CLSTN2: variants seen among roughly 807,000 people sequenced by gnomAD.
The protein encoded by CLSTN2 is calsyntenin 2, also known as calsyntenin-2.
CLSTN2 carries 48 observed loss-of-function variants against 101.2 expected under a neutral mutation model. The ratio of observed to expected loss-of-function variants is 0.47; its 90% CI spans 0.38 to 0.60. The LOEUF is 0.60. CLSTN2 is among the 20% of genes least tolerant of loss of function. CLSTN2 has a pLI of 0.00. For synonymous variants in CLSTN2, 481 were observed against 463.6 expected (o/e 1.04, Z -0.48); for missense variants, 1,160 against 1,238.2 (o/e 0.94, Z 0.95).
At chr3:140,248,606 A>G (rs902505036) in intron 2 of CLSTN2, among the ~76,000 whole-genome samples, 1 of 152,166 alleles carries the variant, frequency 6.6e-6, no homozygotes, top group African/African-American at 2.4e-5. Flanking sequence ...AGATACGAAG[A>G]TGGGGCTGAA....
At chr3:140,241,610 C>G (rs531973503) in intron 2 of CLSTN2, among the ~76,000 whole-genome samples, 1 of 152,042 alleles carries the variant, frequency 6.6e-6, no homozygotes, top group African/African-American at 2.4e-5. Flanking sequence ...TTCATTTATT[C>G]ATTCATTTAA....
intron 8 of CLSTN2, chr3:140,507,642 C>T (rs934564529): frequency 6.6e-6 from 1 of 152,130 alleles, no homozygotes; most frequent in Non-Finnish European, 1.5e-5. Flanking sequence ...TTCTGATCTC[C>T]AAAACTAGGT....
chr3:140,091,733 G>C lies in CLSTN2; in HGVS notation c.110-84218G>C, dbSNP rs545755567. On this transcript the variant is annotated intron_variant, in intron 1 of 16. Coordinates refer to ENST00000458420, the MANE Select transcript of CLSTN2 (RefSeq NM_022131.3). ...CACAAAGCCTCAAACAAACACAGAA[G>C]GAACAATATCCCATTAGGGATTTTG... 4.6e-5 allele frequency among the ~76,000 whole-genome samples: 7 copies of C among 152,224 alleles called. No homozygotes were observed. The South Asian group carries it at 1.5e-3, about 32-fold the overall frequency.
intron 2 of CLSTN2, among the ~76,000 whole-genome samples, chr3:140,208,710 C>G (rs1360386470): frequency 3.3e-5 from 5 of 152,084 alleles, no homozygotes; most frequent in Non-Finnish European, 4.4e-5. Flanking sequence ...GGATTCTGTC[C>G]CAATCCTTTT....
intron 2 of CLSTN2, among the ~76,000 whole-genome samples, chr3:140,274,211 G>A (rs1166023674): frequency 6.6e-6 from 1 of 152,102 alleles, no homozygotes; most frequent in African/African-American, 2.4e-5. Context: ...ACTAAGGAAA[G>A]GCCACATGGG....
intron 1 of CLSTN2, among the ~76,000 whole-genome samples, chr3:140,093,067 T>C (rs980479653): frequency 1.3e-5 from 2 of 152,194 alleles, no homozygotes; most frequent in Admixed American, 6.5e-5. Context: ...GGTATTCAAA[T>C]GGGAGCTACA....
chr3:140,373,233 G>C (rs1298868671), intron 2 of CLSTN2, among the ~76,000 whole-genome samples: 2 of 152,182 alleles, frequency 1.3e-5, no homozygotes, highest in African/African-American at 4.8e-5. Context: ...GGCAAATTCT[G>C]TCACAATTCT....
chr3:139,969,791 A>C (rs1935663194), intron 1 of CLSTN2, among the ~76,000 whole-genome samples: 1 of 152,128 alleles, frequency 6.6e-6, no homozygotes, highest in African/African-American at 2.4e-5. Flanking sequence ...AAAAGCAACC[A>C]TCACCCACTG....
At position 140,228,844 on chromosome 3, in the gene CLSTN2, A is replaced by G. The variant is rs555193087; in HGVS notation, c.232+52771A>G. 3.9e-5 allele frequency among the ~76,000 whole-genome samples: 6 copies of G among 152,294 alleles called. No homozygotes were observed. In the East Asian group the frequency reaches 9.6e-4, roughly 24 times the overall value. On this transcript the variant is annotated intron_variant, in intron 2 of 16. Coordinates refer to ENST00000458420, the MANE Select transcript of CLSTN2 (RefSeq NM_022131.3). ...TTAACTATCATGAGAACAGAGCAGG[A>G]AAGACCCGCCCCCATAATTCAATCA...
intron 11 of CLSTN2, among the ~76,000 whole-genome samples, chr3:140,557,997 G>A (rs1935832761): frequency 6.6e-6 from 1 of 152,236 alleles, no homozygotes; most frequent in Non-Finnish European, 1.5e-5. Flanking sequence ...AAGAAACTGA[G>A]GTTCACAGGA....
chr3:140,485,317 G>A (rs1288528806), intron 8 of CLSTN2, among the ~76,000 whole-genome samples: 1 of 152,234 alleles, frequency 6.6e-6, no homozygotes, highest in Non-Finnish European at 1.5e-5. Context: ...TCCTCTGGAA[G>A]TTTTGTCTCA....
At chr3:140,186,592 G>A (rs1015667078) in intron 2 of CLSTN2, among the ~76,000 whole-genome samples, 2 of 152,138 alleles carry the variant, frequency 1.3e-5, no homozygotes, top group South Asian at 2.1e-4. Flanking sequence ...CACAGATGAG[G>A]CATCAAAGGC....
At chr3:140,387,402 T>C (rs1445394681) in intron 2 of CLSTN2, among the ~76,000 whole-genome samples, 1 of 152,234 alleles carries the variant, frequency 6.6e-6, no homozygotes, top group Non-Finnish European at 1.5e-5. Flanking sequence ...CTGGTGGCTA[T>C]AACAGCAGTT....
At chr3:140,422,873 G>C (rs2088520817) in intron 5 of CLSTN2, among the ~76,000 whole-genome samples, 3 of 152,164 alleles carry the variant, frequency 2.0e-5, no homozygotes, top group African/African-American at 7.2e-5. Flanking sequence ...GTCATTGAAT[G>C]AATGAATGAA....
chr3:140,351,068 C>G (rs2087600578), intron 2 of CLSTN2, among the ~76,000 whole-genome samples: 1 of 152,070 alleles, frequency 6.6e-6, no homozygotes, highest in Admixed American at 6.6e-5. Context: ...TAAGAAGGAC[C>G]AATAACAGGA....
At chr3:140,021,944 C>T (rs751264409) in intron 1 of CLSTN2, among the ~76,000 whole-genome samples, 8 of 152,244 alleles carry the variant, frequency 5.3e-5, no homozygotes, top group Admixed American at 1.3e-4. Flanking sequence ...TATGACTTGC[C>T]GAGTCAGGCG....
chr3:140,434,324 C>T (rs895603771), intron 5 of CLSTN2, among the ~76,000 whole-genome samples: 3 of 152,134 alleles, frequency 2.0e-5, no homozygotes, highest in African/African-American at 7.2e-5. Context: ...GGAGCATTGA[C>T]CCCACCCTAA....
In CLSTN2 at chr3:140,263,626, C is replaced by T. The variant is rs114230833; in HGVS notation, c.232+87553C>T. 2.1e-3 allele frequency among the ~76,000 whole-genome samples: 315 copies of T among 152,300 alleles called. 1 individual carries two copies. Among genetic ancestry groups the T allele is most frequent in the African/African-American group, 6.8e-3 (281 of 41,574 alleles). On this transcript the variant is annotated intron_variant, in intron 2 of 16. Transcript: ENST00000458420. Reference sequence around the variant, plus strand: ...TATTATTTGTACTACAGAGTAGATGCTCCCCAAAAAACTTACATCTCTTCC... The same window carrying T: ...TATTATTTGTACTACAGAGTAGATGTTCCCCAAAAAACTTACATCTCTTCC...
chr3:140,197,306 T>A (rs2107839344), intron 2 of CLSTN2, among the ~76,000 whole-genome samples: 1 of 152,310 alleles, frequency 6.6e-6, no homozygotes, highest in Non-Finnish European at 1.5e-5. Context: ...CTAAAAGTAA[T>A]AAAAATCATA....
Sources: allele counts gnomAD v4.1 joint callset (sites outside exome capture counted in the v4.1 genomes callset), GRCh38; gene constraint gnomAD v4.1.1; transcripts MANE v1.5; gene names NCBI Gene and HGNC (gene_info 2026-07-23, HGNC 2026-07-21).